AGPAT4: variants seen among roughly 807,000 people sequenced by gnomAD.
AGPAT4 encodes 1-acylglycerol-3-phosphate O-acyltransferase 4.
A neutral mutation model predicts 48.0 loss-of-function variants in AGPAT4; 15 were observed. The observed-to-expected ratio is 0.31, with a 90% CI of 0.21 to 0.48. The LOEUF (loss-of-function observed/expected upper bound fraction) is 0.48, where lower values mean the gene tolerates loss of function less well. Among genes scored for constraint, AGPAT4 ranks in the 20% least tolerant of loss-of-function variants. The pLI is 0.99. For missense variants in AGPAT4, 314 were observed against 482.5 expected, an observed-to-expected ratio of 0.65 and a Z score of 3.27; for synonymous variants, 178 against 198.7, an observed-to-expected ratio of 0.90 and a Z score of 0.88.
rs1448838515 is a variant in AGPAT4, at chr6:161,267,940, C to T, written c.-90+5998G>A. Among the ~76,000 whole-genome samples the T allele has an allele frequency of 1.3e-5, 2 of 152,120 alleles. No homozygotes were observed. The highest frequency in any genetic ancestry group is 2.9e-5 in the Non-Finnish European group (2 of 68,024). ...AAATTTACCACATATCTGTTATGTGCCAGGCTCTGCACTGGGCATGGGAGA... is the reference window on the plus strand; with the variant it reads ...AAATTTACCACATATCTGTTATGTGTCAGGCTCTGCACTGGGCATGGGAGA... On this transcript the variant is annotated intron_variant, in intron 1 of 8. Coordinates refer to ENST00000320285, the MANE Select transcript of AGPAT4 (RefSeq NM_020133.3). The surrounding 1 kb of genome is among the most constrained non-coding windows in gnomAD (Gnocchi z 5.2).
At position 161,134,054 on chromosome 6, in the gene AGPAT4, G is replaced by A. The variant is rs919373249; in HGVS notation, c.*2486C>T. 1.3e-5 allele frequency: 2 copies of A among 152,148 alleles called. No homozygotes were observed. Among genetic ancestry groups the A allele is most frequent in the African/African-American group, 4.8e-5 (2 of 41,390 alleles). The allele number at this position is 152,148 out of a possible 1,614,324, so 9.4% of individuals were successfully genotyped here. A position where few individuals can be genotyped will look rare whatever the true frequency, so the allele number is the denominator to read the frequency against. On this transcript the variant is annotated 3_prime_UTR_variant, in exon 9 of 9. Coordinates refer to ENST00000320285, the MANE Select transcript of AGPAT4 (RefSeq NM_020133.3). Reference sequence around the variant, plus strand: ...GTTGTCTGTGTCATTAAGGGCGCAGGGTGTAAGGAAACCAGGTTCCCAGGC... The same window carrying A: ...GTTGTCTGTGTCATTAAGGGCGCAGAGTGTAAGGAAACCAGGTTCCCAGGC...
rs1466837434 is a variant in AGPAT4, at chr6:161,133,148, T to TAAG, written c.*3389_*3391dup. 2 of 152,216 alleles carry TAAG rather than the reference T, an allele frequency of 1.3e-5. No individual in the cohort carries two copies. The highest frequency in any genetic ancestry group is 6.5e-5 in the Admixed American group (1 of 15,284). The allele number at this position is 152,216 out of a possible 1,614,324, so 9.4% of individuals were successfully genotyped here. A position where few individuals can be genotyped will look rare whatever the true frequency, so the allele number is the denominator to read the frequency against. On this transcript the variant is annotated 3_prime_UTR_variant, in exon 9 of 9. Coordinates refer to ENST00000320285, the MANE Select transcript of AGPAT4 (RefSeq NM_020133.3). ...TCACACTTTGGTCAATATTTATGAA[T>TAAG]AAGTTCTAAAGCCTATGCGAAGCCC...
chr6:161,154,304 T>C lies in AGPAT4; in HGVS notation c.355A>G (p.Lys119Glu). 11 of 1,614,150 alleles carry C rather than the reference T, an allele frequency of 6.8e-6. No individual in the cohort carries two copies. Among genetic ancestry groups the C allele is most frequent in the Non-Finnish European group, 9.3e-6 (11 of 1,180,020 alleles). ...GCCAGCTCTTTCTTGGCCAGGACCT[T>C]GGAGCCCTGAAACAGAAGAAGGAGC... ...SERFGLLGGS[K>E]VLAKKELAYV... Residue 119 changes from lysine (K) to glutamate (E), a missense_variant, in exon 4 of 9, where the codon AAG becomes GAG. Coordinates refer to ENST00000320285, the MANE Select transcript of AGPAT4 (RefSeq NM_020133.3). This position sits in a 1 kb window ranked among gnomAD's most constrained non-coding sequence, Gnocchi z 7.8.
In AGPAT4 at chr6:161,171,151, C is replaced by A. The variant is rs1422747113; in HGVS notation, c.179-4734G>T. ...TTCTGTTGTTTAGTTAAGGGAAAAT[C>A]ACCTGTTGAGAGTTTCAGGTTGCAA... On this transcript the variant is annotated intron_variant, in intron 2 of 8. Transcript: ENST00000320285. The surrounding 1 kb of genome is among the most constrained non-coding windows in gnomAD (Gnocchi z 4.4). Among the ~76,000 whole-genome samples, 1 of 152,222 alleles carries A rather than the reference C, an allele frequency of 6.6e-6. No individual in the cohort carries two copies. The highest frequency in any genetic ancestry group is 1.5e-5 in the Non-Finnish European group (1 of 68,038).
chr6:161,149,127 G>C lies in AGPAT4; in HGVS notation c.767+60C>G. The C allele has an allele frequency of 6.3e-7, 1 of 1,579,406 alleles. No individual in the cohort carries two copies. The highest frequency in any genetic ancestry group is 2.2e-5 in the East Asian group (1 of 44,534). On this transcript the variant is annotated intron_variant, in intron 6 of 8. Transcript: ENST00000320285. The surrounding 1 kb of genome is among the most constrained non-coding windows in gnomAD (Gnocchi z 6.5). ...CTGGAAGAAAGTCTCTAGGTCATTT[G>C]TGATGTGTTTACTTTGAAATGGGCA...
chr6:161,202,387 T>C lies in AGPAT4; in HGVS notation c.178+29649A>G, dbSNP rs964225934. Among the ~76,000 whole-genome samples the C allele has an allele frequency of 6.6e-6, 1 of 152,026 alleles. No individual in the cohort carries two copies. Among genetic ancestry groups the C allele is most frequent in the African/African-American group, 2.4e-5 (1 of 41,382 alleles). On this transcript the variant is annotated intron_variant, in intron 2 of 8. Coordinates refer to ENST00000320285, the MANE Select transcript of AGPAT4 (RefSeq NM_020133.3). The surrounding 1 kb of genome is among the most constrained non-coding windows in gnomAD (Gnocchi z 5.4). Reference sequence around the variant, plus strand: ...ATGCTTGAATGTCATGGTAGTTGGCTTCCTCTGGATGACAGAGGACAGAGG... The same window carrying C: ...ATGCTTGAATGTCATGGTAGTTGGCCTCCTCTGGATGACAGAGGACAGAGG...
At chr6:161,172,464 C>T (rs1299142429) in intron 2 of AGPAT4, among the ~76,000 whole-genome samples, 1 of 152,098 alleles carries the variant, frequency 6.6e-6, no homozygotes, top group Non-Finnish European at 1.5e-5. Context: ...TACAGGGAAT[C>T]CCAGAGAGCC....
Position 161,147,702 on chromosome 6 carries a change from A to C in AGPAT4, c.768-1103T>G, listed in dbSNP as rs2114959950. Among the ~76,000 whole-genome samples, 1 of 152,290 alleles carries C rather than the reference A, an allele frequency of 6.6e-6. No homozygotes were observed. The highest frequency in any genetic ancestry group is 2.1e-4 in the South Asian group (1 of 4,822). ...TCCTACGCACACTGCACTTCTCTGGATCCTCTACTTCTTTGCTGTTTGATC... is the reference window on the plus strand; with the variant it reads ...TCCTACGCACACTGCACTTCTCTGGCTCCTCTACTTCTTTGCTGTTTGATC... On this transcript the variant is annotated intron_variant, in intron 6 of 8. Transcript: ENST00000320285. The surrounding 1 kb of genome is among the most constrained non-coding windows in gnomAD (Gnocchi z 4.8).
intron 1 of AGPAT4, among the ~76,000 whole-genome samples, chr6:161,248,559 G>A (rs1377172492): frequency 1.4e-4 from 18 of 125,000 alleles, no homozygotes; most frequent in South Asian, 2.5e-4. Flanking sequence ...GGGTGACAGC[G>A]AGACTCTGTC....
intron 3 of AGPAT4, chr6:161,160,570 C>T (rs905469312): frequency 3.9e-5 from 7 of 181,564 alleles, no homozygotes; most frequent in Admixed American, 3.2e-4. Flanking sequence ...CTCTGTTTAC[C>T]AGGCCCCAAA....
In AGPAT4 at chr6:161,146,278, T is replaced by C. The variant is rs1471276793; in HGVS notation, c.843+246A>G. Among the ~76,000 whole-genome samples, 3 of 151,266 alleles carry C rather than the reference T, an allele frequency of 2.0e-5. No individual in the cohort carries two copies. Among genetic ancestry groups the C allele is most frequent in the South Asian group, 2.1e-4 (1 of 4,812 alleles). The stretch of plus-strand genomic sequence containing the variant: ...GGCAGGAAAATACGAGCAGGGGCGA[T>C]TGGGGCCATTACTTCTCCCTTGGTC... On this transcript the variant is annotated intron_variant, in intron 7 of 8. Coordinates refer to ENST00000320285, the MANE Select transcript of AGPAT4 (RefSeq NM_020133.3). This position sits in a 1 kb window ranked among gnomAD's most constrained non-coding sequence, Gnocchi z 7.1.
Position 161,232,420 on chromosome 6 carries a change from A to G in AGPAT4, c.-89-118T>C. On this transcript the variant is annotated intron_variant, in intron 1 of 8. Coordinates refer to ENST00000320285, the MANE Select transcript of AGPAT4 (RefSeq NM_020133.3). This position sits in a 1 kb window ranked among gnomAD's most constrained non-coding sequence, Gnocchi z 6.8. ...AGGTTAAACTCATGTGCGTTAGTTG[A>G]TTTATCTTTATTTTGCAAACATTGA... 1.9e-6 allele frequency: 1 copy of G among 529,544 alleles called. No homozygotes were observed. The highest frequency in any genetic ancestry group is 3.4e-6 in the Non-Finnish European group (1 of 298,068). The allele number at this position is 529,544 out of a possible 1,614,324, so 32.8% of individuals were successfully genotyped here.
At chr6:161,183,939 G>T (rs1320271880) in intron 2 of AGPAT4, among the ~76,000 whole-genome samples, 1 of 152,050 alleles carries the variant, frequency 6.6e-6, no homozygotes, top group East Asian at 1.9e-4. Context: ...CGAAGGGAAG[G>T]AGAGGGTGCC....
chr6:161,264,591 G>A lies in AGPAT4; in HGVS notation c.-90+9347C>T, dbSNP rs994241552. Among the ~76,000 whole-genome samples, 37 of 152,326 alleles carry A rather than the reference G, an allele frequency of 2.4e-4. No individual in the cohort carries two copies. Among genetic ancestry groups the A allele is most frequent in the Admixed American group, 7.2e-4 (11 of 15,306 alleles). The stretch of plus-strand genomic sequence containing the variant: ...CTGCCCTGCAAGTCTTATCCACTGC[G>A]TGGGAACCCCTCGCTGAGGCTTCCG... On this transcript the variant is annotated intron_variant, in intron 1 of 8. Transcript: ENST00000320285. The surrounding 1 kb of genome is among the most constrained non-coding windows in gnomAD (Gnocchi z 6.8).
Position 161,174,488 on chromosome 6 carries a change from A to G in AGPAT4, c.179-8071T>C, listed in dbSNP as rs191724836. Among the ~76,000 whole-genome samples the G allele has an allele frequency of 4.6e-5, 7 of 152,260 alleles. No homozygotes were observed. In the East Asian group the frequency reaches 1.4e-3, roughly 29 times the overall value. ...ATAGGAATGCTTGTGATTTCTACAC[A>G]TTGATTTTGTATCCTGAGACTTTGC... is the stretch of plus-strand genomic sequence containing the variant. On this transcript the variant is annotated intron_variant, in intron 2 of 8. Coordinates refer to ENST00000320285, the MANE Select transcript of AGPAT4 (RefSeq NM_020133.3).
At chr6:161,265,098 C>G (rs1562363561) in intron 1 of AGPAT4, among the ~76,000 whole-genome samples, 1 of 152,132 alleles carries the variant, frequency 6.6e-6, no homozygotes, top group East Asian at 1.9e-4. Context: ...CACTGCTGGA[C>G]TGGGTGGTGG....
intron 2 of AGPAT4, among the ~76,000 whole-genome samples, chr6:161,170,416 T>C (rs940582746): frequency 6.6e-6 from 1 of 151,736 alleles, no homozygotes; most frequent in Non-Finnish European, 1.5e-5. Flanking sequence ...TGGAAAATAG[T>C]CTTATAGTTT....
rs1476349657 is a variant in AGPAT4 at position 161,262,958 on chromosome 6, G to A, written c.-90+10980C>T. Among the ~76,000 whole-genome samples the A allele has an allele frequency of 6.6e-6, 1 of 152,116 alleles. No individual in the cohort carries two copies. Among genetic ancestry groups the A allele is most frequent in the African/African-American group, 2.4e-5 (1 of 41,434 alleles). ...CCAGGAGGAGCAAAGCAAGCCCTGG[G>A]CTATTCCAGAGAAAGCGAGGGAAGG... On this transcript the variant is annotated intron_variant, in intron 1 of 8. Coordinates refer to ENST00000320285, the MANE Select transcript of AGPAT4 (RefSeq NM_020133.3). The surrounding 1 kb of genome is among the most constrained non-coding windows in gnomAD (Gnocchi z 4.9).
chr6:161,234,906 T>C lies in AGPAT4; in HGVS notation c.-89-2604A>G, dbSNP rs533566248. 2.0e-5 allele frequency among the ~76,000 whole-genome samples: 3 copies of C among 152,082 alleles called. No homozygotes were observed. The highest frequency in any genetic ancestry group is 4.2e-4 in the South Asian group (2 of 4,818). Reference sequence around the variant, plus strand: ...TTTCCTTATAAAATTTCAAGGTAAATTGAAATTTTACCGTGCGTAAAACCC... The same window carrying C: ...TTTCCTTATAAAATTTCAAGGTAAACTGAAATTTTACCGTGCGTAAAACCC... On this transcript the variant is annotated intron_variant, in intron 1 of 8. Transcript: ENST00000320285. The surrounding 1 kb of genome is among the most constrained non-coding windows in gnomAD (Gnocchi z 4.4).
Sources: allele counts gnomAD v4.1 joint callset (sites outside exome capture counted in the v4.1 genomes callset), GRCh38; gene constraint gnomAD v4.1.1; non-coding constraint Gnocchi (gnomAD v3.1); transcripts MANE v1.5; gene names NCBI Gene and HGNC (gene_info 2026-07-23, HGNC 2026-07-21).